Variants in ATRNL1 observed in about 807,000 individuals in gnomAD.
ATRNL1 encodes the protein attractin like 1, also known as attractin-like protein 1.
ATRNL1 carries 95 observed loss-of-function variants against 182.7 expected under a neutral mutation model. That is an observed-to-expected ratio of 0.52 (90% CI 0.44 to 0.62). The LOEUF (loss-of-function observed/expected upper bound fraction) is 0.62, where lower values mean the gene tolerates loss of function less well. ATRNL1 is among the 20% of genes least tolerant of loss of function. ATRNL1 has a pLI of 0.00. For missense variants in ATRNL1, 1,471 were observed against 1,679.5 expected, an observed-to-expected ratio of 0.88 and a Z score of 2.17; for synonymous variants, 576 against 568.3, an observed-to-expected ratio of 1.01 and a Z score of -0.19.
intron 20 of ATRNL1, among the ~76,000 whole-genome samples, chr10:115,415,355 T>G (rs1370319495): frequency 6.6e-6 from 1 of 152,018 alleles, no homozygotes; most frequent in Non-Finnish European, 1.5e-5. Context: ...CTTCATGTAT[T>G]TTGCCAGTTT....
At position 115,320,797 on chromosome 10, in the gene ATRNL1, C is replaced by T. The variant is rs542920046; in HGVS notation, c.3037+5061C>T. On this transcript the variant is annotated intron_variant, in intron 18 of 28. Transcript: ENST00000355044. ...TATTCTAGTTAGCAGCTCCTCTAAC[C>T]TTTTATCAAGGTTCTTAGCTTCCTT... Among the ~76,000 whole-genome samples, 19 of 152,142 alleles carry T rather than the reference C, an allele frequency of 1.2e-4. No individual in the cohort carries two copies. In the East Asian group the frequency reaches 3.5e-3, roughly 28 times the overall value.
intron 27 of ATRNL1, among the ~76,000 whole-genome samples, chr10:115,825,184 GA>G (rs1461139413): frequency 3.3e-5 from 5 of 151,984 alleles, no homozygotes; most frequent in African/African-American, 4.8e-5. Context: ...CACAGGAACT[GA>G]AAACCAAACA....
At chr10:115,558,072 A>C (rs1853430817) in intron 26 of ATRNL1, among the ~76,000 whole-genome samples, 1 of 151,690 alleles carries the variant, frequency 6.6e-6, no homozygotes, top group Admixed American at 6.6e-5. Context: ...AAACAAAAAA[A>C]AAAAACCATT....
At chr10:115,902,383 G>T (rs1555113707) in intron 28 of ATRNL1, among the ~76,000 whole-genome samples, 1 of 152,052 alleles carries the variant, frequency 6.6e-6, no homozygotes, top group African/African-American at 2.4e-5. Flanking sequence ...TTTAAAAGCC[G>T]CATAGTGTGG....
At chr10:115,596,335 A>G (rs782059539) in intron 26 of ATRNL1, among the ~76,000 whole-genome samples, 2 of 152,126 alleles carry the variant, frequency 1.3e-5, no homozygotes, top group Admixed American at 1.3e-4. Flanking sequence ...TGAGCTCCCA[A>G]CCTCAAGGGA....
intron 2 of ATRNL1, among the ~76,000 whole-genome samples, chr10:115,120,748 A>G (rs1227778829): frequency 8.5e-5 from 13 of 152,144 alleles, no homozygotes; most frequent in African/African-American, 3.1e-4. Context: ...GCATAAAAGA[A>G]TTGATATGAA....
intron 8 of ATRNL1, among the ~76,000 whole-genome samples, chr10:115,187,167 G>T (rs1315764936): frequency 6.0e-5 from 9 of 149,080 alleles, no homozygotes; most frequent in African/African-American, 2.3e-4. Flanking sequence ...CACTGTTTCT[G>T]GGAATAATTT....
At chr10:115,576,544 T>C (rs1158003464) in intron 26 of ATRNL1, among the ~76,000 whole-genome samples, 1 of 152,076 alleles carries the variant, frequency 6.6e-6, no homozygotes, top group Non-Finnish European at 1.5e-5. Flanking sequence ...TTTGGAGAAA[T>C]GTCTATTTAC....
chr10:115,706,101 A>G (rs1946888057), intron 26 of ATRNL1, among the ~76,000 whole-genome samples: 1 of 152,038 alleles, frequency 6.6e-6, no homozygotes, highest in South Asian at 2.1e-4. Flanking sequence ...TCTGAAGATC[A>G]GAAGTCTGAA....
intron 26 of ATRNL1, among the ~76,000 whole-genome samples, chr10:115,687,140 G>A (rs1319040013): frequency 2.0e-5 from 3 of 152,008 alleles, no homozygotes; most frequent in Admixed American, 1.3e-4. Flanking sequence ...AAAATGTTAA[G>A]TATATAATAC....
chr10:115,804,172 G>T (rs1326010093), intron 27 of ATRNL1, among the ~76,000 whole-genome samples: 1 of 152,206 alleles, frequency 6.6e-6, no homozygotes, highest in East Asian at 1.9e-4. Flanking sequence ...TTAGATCCAG[G>T]TTTGTATACT....
chr10:115,338,853 T>C (rs1021008876), intron 19 of ATRNL1, among the ~76,000 whole-genome samples: 2 of 152,194 alleles, frequency 1.3e-5, no homozygotes, highest in Non-Finnish European at 2.9e-5. Flanking sequence ...GGTAGTTTCA[T>C]AGTTTGAGGT....
intron 8 of ATRNL1, among the ~76,000 whole-genome samples, chr10:115,174,916 A>C (rs1212973823): frequency 6.6e-6 from 1 of 151,978 alleles, no homozygotes; most frequent in Non-Finnish European, 1.5e-5. Flanking sequence ...CCTGATATCT[A>C]GTAAATGGCC....
intron 26 of ATRNL1, among the ~76,000 whole-genome samples, chr10:115,718,442 C>T (rs1375450930): frequency 6.6e-6 from 1 of 152,140 alleles, no homozygotes; most frequent in Non-Finnish European, 1.5e-5. Flanking sequence ...AATAAGCATT[C>T]ATTTTTCAAC....
chr10:115,113,362 C>A (rs185042401), intron 1 of ATRNL1, among the ~76,000 whole-genome samples: 99 of 152,274 alleles, frequency 6.5e-4, no homozygotes, highest in African/African-American at 2.0e-3. Flanking sequence ...TATGGAAAAT[C>A]ATTAGGCATC....
intron 26 of ATRNL1, among the ~76,000 whole-genome samples, chr10:115,696,892 A>AGG (rs1209973226): frequency 1.3e-5 from 2 of 151,136 alleles, no homozygotes; most frequent in Non-Finnish European, 1.5e-5. Context: ...AGAGAGAGAG[A>AGG]GAGAGAGCGA....
Position 115,387,658 on chromosome 10 carries a change from T to C in ATRNL1, c.3176-7001T>C, listed in dbSNP as rs1227251831. Among the ~76,000 whole-genome samples, 6 of 152,240 alleles carry C rather than the reference T, an allele frequency of 3.9e-5. No homozygotes were observed. In the East Asian group the frequency reaches 1.2e-3, roughly 29 times the overall value. On this transcript the variant is annotated intron_variant, in intron 19 of 28. Transcript: ENST00000355044. Reference sequence around the variant, plus strand: ...TCAGACTTTATGGATTTACCTGTTATAAATAGCTCCTATAAATTGAATCAT... The same window carrying C: ...TCAGACTTTATGGATTTACCTGTTACAAATAGCTCCTATAAATTGAATCAT...
intron 28 of ATRNL1, among the ~76,000 whole-genome samples, chr10:115,911,150 C>T (rs937323629): frequency 6.6e-6 from 1 of 152,006 alleles, no homozygotes; most frequent in African/African-American, 2.4e-5. Flanking sequence ...AGGCAGGCAC[C>T]ACCGTGCTCA....
In ATRNL1 at chr10:115,292,026, T is replaced by A. The variant is rs924372831; in HGVS notation, c.2415+5629T>A. On this transcript the variant is annotated intron_variant, in intron 15 of 28. Transcript: ENST00000355044. The stretch of plus-strand genomic sequence containing the variant: ...TGTTGTGAGACTTTTCATCATTCAT[T>A]CAAAATCATGAATTTTGTTGGTATT... Among the ~76,000 whole-genome samples the A allele has an allele frequency of 2.0e-5, 3 of 152,004 alleles. No homozygotes were observed. In the South Asian group the frequency reaches 6.2e-4, roughly 31 times the overall value.
Sources: gnomAD v4.1 joint callset for allele counts (sites outside exome capture counted in the v4.1 genomes callset) on GRCh38, gnomAD v4.1.1 for gene constraint, MANE v1.5 for transcripts, NCBI Gene and HGNC (gene_info 2026-07-23, HGNC 2026-07-21) for gene names.